TENM2: variants seen among roughly 807,000 people sequenced by gnomAD.
The protein encoded by TENM2 is teneurin transmembrane protein 2, also known as teneurin-2.
In TENM2, 52 loss-of-function variants were observed where a neutral mutation model predicts 245.2. The observed-to-expected ratio is 0.21, with a 90% CI of 0.17 to 0.27. The LOEUF (loss-of-function observed/expected upper bound fraction) is 0.27. Among genes scored for constraint, TENM2 ranks in the 10% least tolerant of loss-of-function variants. The pLI is 1.00. For synonymous variants in TENM2, 1,363 were observed against 1,438.9 expected (o/e 0.95, Z 1.19); for missense variants, 3,046 against 3,666.8 (o/e 0.83, Z 4.37).
intron 2 of TENM2, among the ~76,000 whole-genome samples, chr5:167,737,941 T>A (rs932901202): frequency 1.3e-5 from 2 of 152,226 alleles, no homozygotes; most frequent in Non-Finnish European, 2.9e-5. Context: ...ACTGAGCTGA[T>A]CCCTATCACT....
At chr5:167,620,663 T>C (rs1778107958) in intron 2 of TENM2, among the ~76,000 whole-genome samples, 1 of 151,606 alleles carries the variant, frequency 6.6e-6, no homozygotes, top group Non-Finnish European at 1.5e-5. Flanking sequence ...TTGATATTTG[T>C]AAATGACAGA....
chr5:167,538,648 G>A (rs772876632), intron 2 of TENM2, among the ~76,000 whole-genome samples: 26 of 152,168 alleles, frequency 1.7e-4, no homozygotes, highest in Non-Finnish European at 3.5e-4. Flanking sequence ...TTTGCACCTG[G>A]GAGCTGACTA....
intron 2 of TENM2, among the ~76,000 whole-genome samples, chr5:167,845,713 C>A (rs946873183): frequency 6.6e-6 from 1 of 152,116 alleles, no homozygotes; most frequent in African/African-American, 2.4e-5. Flanking sequence ...GTTTGTGATC[C>A]CTAGCCTAGA....
intron 13 of TENM2, among the ~76,000 whole-genome samples, chr5:168,163,501 G>T (rs933092726): frequency 6.6e-6 from 1 of 152,134 alleles, no homozygotes; most frequent in Non-Finnish European, 1.5e-5. Context: ...ATATGGCCAG[G>T]CACAGTGGCT....
In TENM2 at chr5:167,864,401, A is replaced by G. The variant is rs78347515; in HGVS notation, c.503-11585A>G. Among the ~76,000 whole-genome samples the G allele has an allele frequency of 9.1e-3, 1,383 of 152,340 alleles. 17 individuals carry two copies. Among genetic ancestry groups the G allele is most frequent in the African/African-American group, 0.031 (1,296 of 41,562 alleles). ...CACCTATCTCTTACCTTTTTTATGCATGATAATAACACATACCATTTAATT... is the reference window on the plus strand; with the variant it reads ...CACCTATCTCTTACCTTTTTTATGCGTGATAATAACACATACCATTTAATT... On this transcript the variant is annotated intron_variant, in intron 2 of 28. Coordinates refer to ENST00000518659, the Ensembl canonical transcript of TENM2.
Position 167,437,221 on chromosome 5 carries a change from C to G in TENM2, c.502+61748C>G, listed in dbSNP as rs145111084. Among the ~76,000 whole-genome samples the G allele has an allele frequency of 5.8e-3, 877 of 152,308 alleles. 5 individuals carry two copies. Among genetic ancestry groups the G allele is most frequent in the African/African-American group, 0.02 (839 of 41,564 alleles). On this transcript the variant is annotated intron_variant, in intron 2 of 28. Transcript: ENST00000518659. Reference sequence around the variant, plus strand: ...GCTGCCCAAGACCATGGGAACCCACCTCTTGCATCAGCATGACCTGGATGC... The same window carrying G: ...GCTGCCCAAGACCATGGGAACCCACGTCTTGCATCAGCATGACCTGGATGC...
At chr5:167,440,766 C>G (rs138891473) in intron 2 of TENM2, among the ~76,000 whole-genome samples, 352 of 152,188 alleles carry the variant, frequency 2.3e-3, no homozygotes, top group African/African-American at 8.0e-3. Flanking sequence ...GTCTCTTTCT[C>G]TTTCTTTTCT....
At chr5:167,190,313 G>A in the TENM2 span, among the ~76,000 whole-genome samples, 4 of 152,090 alleles carry the variant, frequency 2.6e-5, no homozygotes, top group African/African-American at 9.7e-5. Context: ...ACAGGACCAG[G>A]GTTGTTTTGA....
chr5:167,465,698 GC>G (rs1766601936), intron 2 of TENM2, among the ~76,000 whole-genome samples: 1 of 152,184 alleles, frequency 6.6e-6, no homozygotes, highest in South Asian at 2.1e-4. Context: ...GGGCTTGGTG[GC>G]GGGCGCCTGT....
At chr5:167,424,541 T>C (rs1763697539) in intron 2 of TENM2, among the ~76,000 whole-genome samples, 1 of 152,230 alleles carries the variant, frequency 6.6e-6, no homozygotes, top group South Asian at 2.1e-4. Flanking sequence ...CTCGTCACTT[T>C]TATTTTTAAT....
chr5:168,041,602 C>A (rs961833986), intron 5 of TENM2, among the ~76,000 whole-genome samples: 1 of 152,156 alleles, frequency 6.6e-6, no homozygotes, highest in Non-Finnish European at 1.5e-5. Context: ...TTCAATGCAT[C>A]CCCCACCTGC....
At chr5:167,298,471 C>T (rs189283964) in intron 1 of TENM2, among the ~76,000 whole-genome samples, 3,890 of 152,128 alleles carry the variant, frequency 0.026, 149 homozygotes, top group African/African-American at 0.088. Context: ...GGCGAGGTGG[C>T]GGGCGCCTGA....
At chr5:168,067,279 C>T (rs1790593157) in intron 7 of TENM2, among the ~76,000 whole-genome samples, 1 of 152,088 alleles carries the variant, frequency 6.6e-6, no homozygotes, top group Non-Finnish European at 1.5e-5. Flanking sequence ...ATGCTGGTAC[C>T]CCCTAATGCT....
At chr5:167,170,985 G>C in the TENM2 span, among the ~76,000 whole-genome samples, 7 of 152,204 alleles carry the variant, frequency 4.6e-5, no homozygotes, top group Admixed American at 3.9e-4. Flanking sequence ...AGTATCCTTT[G>C]CTGGGGGCTG....
intron 1 of TENM2, among the ~76,000 whole-genome samples, chr5:167,316,350 T>C (rs1756363224): frequency 6.6e-6 from 1 of 152,202 alleles, no homozygotes; most frequent in African/African-American, 2.4e-5. Context: ...ATAGCCAACC[T>C]ACTACAAATC....
intron 2 of TENM2, among the ~76,000 whole-genome samples, chr5:167,849,968 A>G (rs965232364): frequency 6.6e-6 from 1 of 152,146 alleles, no homozygotes; most frequent in African/African-American, 2.4e-5. Flanking sequence ...GCCTCAGTGC[A>G]AAGGCAGGAT....
intron 2 of TENM2, among the ~76,000 whole-genome samples, chr5:167,520,540 G>A (rs898053270): frequency 6.6e-6 from 1 of 152,094 alleles, no homozygotes; most frequent in African/African-American, 2.4e-5. Context: ...GGTCCATCAT[G>A]TTTAGAAAAG....
Position 168,162,768 on chromosome 5 carries a change from G to A in TENM2, c.2569+11G>A, listed in dbSNP as rs144509706. 1.5e-4 allele frequency: 245 copies of A among 1,613,322 alleles called. 1 individual carries two copies. In the African/African-American group the frequency reaches 2.7e-3, roughly 18 times the overall value. On this transcript the variant is annotated intron_variant, in intron 13 of 28. Coordinates refer to ENST00000518659, the Ensembl canonical transcript of TENM2. ...AGGATAATGAGGGAGGTGAGCACGC[G>A]TCTTCTCATTCCCAGCCCCTAAGAG...
the TENM2 span, among the ~76,000 whole-genome samples, chr5:167,009,093 C>T: frequency 6.6e-6 from 1 of 152,164 alleles, no homozygotes; most frequent in African/African-American, 2.4e-5. Flanking sequence ...CCTTCCAGCT[C>T]AACTCATTTA....
Sources: gnomAD v4.1 joint callset for allele counts (sites outside exome capture counted in the v4.1 genomes callset) on GRCh38, gnomAD v4.1.1 for gene constraint, MANE v1.5 for transcripts, NCBI Gene and HGNC (gene_info 2026-07-23, HGNC 2026-07-21) for gene names.